RBM27: variants seen among roughly 807,000 people sequenced by gnomAD.
RBM27 encodes the protein RNA-binding protein 27.
In RBM27, 22 loss-of-function variants were observed where a neutral mutation model predicts 135.3. That is an observed-to-expected ratio of 0.16 (90% confidence interval 0.12 to 0.23). The LOEUF (loss-of-function observed/expected upper bound fraction) is 0.23, where lower values mean the gene tolerates loss of function less well. RBM27 is among the 10% of genes least tolerant of loss of function. The pLI is 1.00. For synonymous variants in RBM27, 481 were observed against 442.4 expected, an observed-to-expected ratio of 1.09 and a Z score of -1.10; for missense variants, 1,009 against 1,281.0, an observed-to-expected ratio of 0.79 and a Z score of 3.24.
intron 8 of RBM27, among the ~76,000 whole-genome samples, chr5:146,241,717 C>G (rs533584519): frequency 6.6e-6 from 1 of 152,262 alleles, no homozygotes; most frequent in Admixed American, 6.5e-5. Context: ...CCTCGGCTTC[C>G]CAAAGTGCTG....
intron 19 of RBM27, among the ~76,000 whole-genome samples, chr5:146,282,067 G>A (rs1486286719): frequency 2.1e-5 from 3 of 142,892 alleles, no homozygotes; most frequent in African/African-American, 5.2e-5. Context: ...ACAGTGGCGC[G>A]ATCTCGGCTC....
At chr5:146,274,892 T>C (rs567373924) in intron 19 of RBM27, among the ~76,000 whole-genome samples, 132 of 152,074 alleles carry the variant, frequency 8.7e-4, no homozygotes, top group South Asian at 6.2e-3. Context: ...TTTAGGTTTT[T>C]TGTGAGGAGA....
Position 146,233,404 on chromosome 5 carries a change from C to CT in RBM27, c.851-45dup, listed in dbSNP as rs778296537. The CT allele has an allele frequency of 9.3e-5, 138 of 1,491,032 alleles. 1 individual carries two copies. The highest frequency in any genetic ancestry group is 2.0e-4 in the Admixed American group (8 of 40,988). 92.4% of individuals were successfully genotyped at this position (1,491,032 alleles called of 1,614,324 possible). On this transcript the variant is annotated intron_variant, in intron 6 of 20. Coordinates refer to ENST00000265271, the MANE Select transcript of RBM27 (RefSeq NM_018989.2). ...GACATGTTTTGTTGTTTTCTGAACTCTAAGTAGATGATAATAAGATTCTTT... is the reference window on the plus strand; with the variant it reads ...GACATGTTTTGTTGTTTTCTGAACTCTTAAGTAGATGATAATAAGATTCTTT...
chr5:146,264,170 ATTTG>A (rs928087514), intron 14 of RBM27, among the ~76,000 whole-genome samples: 40 of 151,210 alleles, frequency 2.6e-4, no homozygotes, highest in South Asian at 6.2e-4. Flanking sequence ...TTAGATATTT[ATTTG>A]TTTGTTTGTT....
At chr5:146,268,385 G>A (rs1758712315) in intron 15 of RBM27, among the ~76,000 whole-genome samples, 1 of 151,934 alleles carries the variant, frequency 6.6e-6, no homozygotes, top group African/African-American at 2.4e-5. Flanking sequence ...TGGGATTACA[G>A]GCATGCGCCA....
At chr5:146,242,275 T>G (rs900052006) in intron 8 of RBM27, among the ~76,000 whole-genome samples, 2 of 151,930 alleles carry the variant, frequency 1.3e-5, no homozygotes, top group African/African-American at 4.8e-5. Flanking sequence ...GCACTACATA[T>G]CCCCCCCGTT....
intron 12 of RBM27, chr5:146,261,289 CTCT>C (rs892123887): frequency 1.7e-6 from 1 of 592,844 alleles, no homozygotes; most frequent in African/African-American, 1.9e-5. Flanking sequence ...AGATCTCTTT[CTCT>C]TCTTTTAAGG....
intron 9 of RBM27, among the ~76,000 whole-genome samples, chr5:146,252,716 A>G (rs1333802515): frequency 1.7e-4 from 26 of 152,188 alleles, no homozygotes; most frequent in Non-Finnish European, 8.8e-5. Context: ...ATCATTTTCA[A>G]ACTGTGTCAT....
chr5:146,284,884 A>G (rs950853466), intron 20 of RBM27, 152 bp downstream of exon 20: 11 of 536,286 alleles, frequency 2.1e-5, no homozygotes, highest in Admixed American at 3.5e-5. Context: ...GAGAATTAAA[A>G]CAGGTCTAGA....
intron 1 of RBM27, among the ~76,000 whole-genome samples, chr5:146,214,125 G>T (rs186638818): frequency 6.6e-6 from 1 of 152,284 alleles, no homozygotes; most frequent in Non-Finnish European, 1.5e-5. Flanking sequence ...CAGATGTGCT[G>T]TCTGCCTGAT....
chr5:146,211,676 G>C (rs1458137359), intron 1 of RBM27, among the ~76,000 whole-genome samples: 1 of 151,310 alleles, frequency 6.6e-6, no homozygotes, highest in African/African-American at 2.4e-5. Flanking sequence ...AGACAAGGTT[G>C]CTCCATGTTG....
chr5:146,285,311 T>G (rs556919804), intron 20 of RBM27, among the ~76,000 whole-genome samples: 1 of 152,274 alleles, frequency 6.6e-6, no homozygotes, highest in African/African-American at 2.4e-5. Context: ...TTTCCTGATT[T>G]ATATGACAAT....
At chr5:146,279,814 A>G (rs1027495515) in intron 19 of RBM27, among the ~76,000 whole-genome samples, 1 of 151,878 alleles carries the variant, frequency 6.6e-6, no homozygotes, top group Non-Finnish European at 1.5e-5. Flanking sequence ...TCTCAAAAAA[A>G]AAAAAAAAAA....
In RBM27 at chr5:146,273,778, A is replaced by G. The variant is rs192804244; in HGVS notation, c.2988+2104A>G. 2.6e-4 allele frequency among the ~76,000 whole-genome samples: 39 copies of G among 152,348 alleles called. 1 individual carries two copies. The highest frequency in any genetic ancestry group is 3.4e-3 in the Middle Eastern group (1 of 294). The stretch of plus-strand genomic sequence containing the variant: ...AAAGGATCATGGGTGAGCCATATCT[A>G]TATGAGAAAATGATGGATGGATTTT... On this transcript the variant is annotated intron_variant, in intron 19 of 20. Transcript: ENST00000265271.
chr5:146,283,579 T>C (rs1357850994), intron 19 of RBM27, among the ~76,000 whole-genome samples: 1 of 152,118 alleles, frequency 6.6e-6, no homozygotes, highest in Non-Finnish European at 1.5e-5. Flanking sequence ...TTGGTAGGGC[T>C]ATTTTGATAC....
intron 9 of RBM27, among the ~76,000 whole-genome samples, chr5:146,253,020 G>A (rs888323199): frequency 3.9e-5 from 6 of 151,982 alleles, no homozygotes; most frequent in East Asian, 1.9e-4. Context: ...ACAGTCTCTC[G>A]CTCTGCTGCC....
intron 19 of RBM27, among the ~76,000 whole-genome samples, chr5:146,284,082 G>A (rs76421137): frequency 0.022 from 3,317 of 152,252 alleles, 57 homozygotes; most frequent in Middle Eastern, 0.051. Flanking sequence ...TTATGAGTTA[G>A]GATAGTATTA....
rs1296704666 is a variant in RBM27 at position 146,210,268 on chromosome 5, TTAG to T, written c.59+6449_59+6451del. 2.0e-5 allele frequency among the ~76,000 whole-genome samples: 3 copies of T among 152,286 alleles called. No individual in the cohort carries two copies. In the East Asian group the frequency reaches 5.8e-4, roughly 29 times the overall value. Reference sequence around the variant, plus strand: ...TGACAATTAGAAAAGTAAGAATTTTTTAGTAGTCTAATTTTGTGCATGTATTTA... The same window carrying T: ...TGACAATTAGAAAAGTAAGAATTTTTTAGTCTAATTTTGTGCATGTATTTA... On this transcript the variant is annotated intron_variant, in intron 1 of 20. Coordinates refer to ENST00000265271, the MANE Select transcript of RBM27 (RefSeq NM_018989.2).
intron 1 of RBM27, among the ~76,000 whole-genome samples, chr5:146,205,545 A>C (rs751758377): frequency 6.6e-6 from 1 of 152,062 alleles, no homozygotes; most frequent in African/African-American, 2.4e-5. Flanking sequence ...GACTGAACAC[A>C]CTTGAAGGTT....
Sources: gnomAD v4.1 joint callset for allele counts (sites outside exome capture counted in the v4.1 genomes callset) on GRCh38, gnomAD v4.1.1 for gene constraint, MANE v1.5 for transcripts, NCBI Gene and HGNC (gene_info 2026-07-23, HGNC 2026-07-21) for gene names.